CSMD3: variants seen among roughly 807,000 people sequenced by gnomAD.
CSMD3 encodes the protein CUB and Sushi multiple domains 3, also known as CUB and sushi domain-containing protein 3.
In CSMD3, 177 loss-of-function variants were observed where a neutral mutation model predicts 435.2. The ratio of observed to expected loss-of-function variants is 0.41; its 90% CI spans 0.36 to 0.46. The LOEUF (loss-of-function observed/expected upper bound fraction) is 0.46, where lower values mean the gene tolerates loss of function less well. Ranked by LOEUF, CSMD3 falls within the 20% of genes least tolerant of loss-of-function variation. The pLI is 0.34. For synonymous variants in CSMD3, 1,656 were observed against 1,520.5 expected (o/e 1.09, Z -2.07); for missense variants, 4,265 against 4,504.6 (o/e 0.95, Z 1.52).
At chr8:112,337,296 C>T (rs1158068383) in intron 43 of CSMD3, among the ~76,000 whole-genome samples, 2 of 152,082 alleles carry the variant, frequency 1.3e-5, no homozygotes, top group Non-Finnish European at 2.9e-5. Flanking sequence ...CCCTTCCCCA[C>T]ACACATAAGA....
intron 4 of CSMD3, among the ~76,000 whole-genome samples, chr8:113,165,014 G>A (rs182636152): frequency 6.6e-6 from 1 of 152,130 alleles, no homozygotes; most frequent in Non-Finnish European, 1.5e-5. Context: ...AAGAGCAAAA[G>A]AATACCAGAT....
intron 1 of CSMD3, among the ~76,000 whole-genome samples, chr8:113,366,078 AAAGGTGGGGGC>A (rs2094309557): frequency 6.6e-6 from 1 of 152,040 alleles, no homozygotes; most frequent in Non-Finnish European, 1.5e-5. Context: ...TTTCACCAAA[AAAGGTGGGGGC>A]AAGAATACTC....
At chr8:113,388,699 T>A (rs1330631220) in intron 1 of CSMD3, among the ~76,000 whole-genome samples, 1 of 151,616 alleles carries the variant, frequency 6.6e-6, no homozygotes, top group Admixed American at 6.6e-5. Flanking sequence ...AACATTTACA[T>A]TGTTACAGTT....
At chr8:113,352,556 C>T (rs1425618598) in intron 1 of CSMD3, among the ~76,000 whole-genome samples, 1 of 152,156 alleles carries the variant, frequency 6.6e-6, no homozygotes, top group Admixed American at 6.6e-5. Flanking sequence ...TTCTGCACAC[C>T]TGCTAAGGAC....
chr8:112,778,927 C>A (rs1040618285), intron 13 of CSMD3, among the ~76,000 whole-genome samples: 1 of 151,942 alleles, frequency 6.6e-6, no homozygotes, highest in Non-Finnish European at 1.5e-5. Flanking sequence ...TCCCTAATGA[C>A]ATATGATGTT....
chr8:113,295,321 T>C (rs2132550701), intron 2 of CSMD3, among the ~76,000 whole-genome samples: 1 of 152,276 alleles, frequency 6.6e-6, no homozygotes, highest in African/African-American at 2.4e-5. Flanking sequence ...AAGAGGTTTT[T>C]TTTCTGACTC....
At chr8:112,348,583 C>CA (rs895154829) in intron 40 of CSMD3, among the ~76,000 whole-genome samples, 95 of 149,704 alleles carry the variant, frequency 6.3e-4, no homozygotes, top group African/African-American at 1.8e-3. Flanking sequence ...TTATAAAATA[C>CA]AAAAAAAAAG....
At chr8:112,633,835 C>T (rs868191570) in intron 22 of CSMD3, among the ~76,000 whole-genome samples, 5 of 152,044 alleles carry the variant, frequency 3.3e-5, no homozygotes, top group Non-Finnish European at 5.9e-5. Flanking sequence ...ACACACAAAT[C>T]GCTTTAGTAA....
intron 21 of CSMD3, among the ~76,000 whole-genome samples, chr8:112,637,261 TA>T (rs529426349): frequency 1.7e-4 from 26 of 152,112 alleles, no homozygotes; most frequent in Non-Finnish European, 2.5e-4. Context: ...AATAATAAAT[TA>T]AAAAATAGCT....
At chr8:112,723,388 C>T (rs2076901586) in intron 13 of CSMD3, among the ~76,000 whole-genome samples, 1 of 152,008 alleles carries the variant, frequency 6.6e-6, no homozygotes, top group Non-Finnish European at 1.5e-5. Flanking sequence ...TATTTGAAAC[C>T]AGTTCTTGTG....
At chr8:112,734,193 A>AAT (rs910546931) in intron 13 of CSMD3, among the ~76,000 whole-genome samples, 15 of 151,754 alleles carry the variant, frequency 9.9e-5, no homozygotes, top group African/African-American at 3.4e-4. Flanking sequence ...TAAAGTTAAA[A>AAT]ATATATATAT....
rs1484145861 is a variant in CSMD3, at chr8:112,341,691, A to G, written c.6443-5T>C. 1 of 1,545,432 alleles carries G rather than the reference A, an allele frequency of 6.5e-7. No homozygotes were observed. Among genetic ancestry groups the G allele is most frequent in the Admixed American group, 1.7e-5 (1 of 59,740 alleles). The stretch of plus-strand genomic sequence containing the variant: ...TTACAAACTGGAGATGTACACCTGA[A>G]GAAGAAAACAAACAGAATGCTACTT... On this transcript the variant is annotated splice_region_variant and splice_polypyrimidine_tract_variant and intron_variant, in intron 41 of 70. Coordinates refer to ENST00000297405, the MANE Select transcript of CSMD3 (RefSeq NM_198123.2).
At chr8:113,265,264 A>G (rs564206161) in intron 3 of CSMD3, among the ~76,000 whole-genome samples, 98 of 151,670 alleles carry the variant, frequency 6.5e-4, no homozygotes, top group African/African-American at 2.3e-3. Flanking sequence ...ATGTGAGCCA[A>G]TAAGTGAAGT....
intron 10 of CSMD3, among the ~76,000 whole-genome samples, chr8:112,885,598 G>A (rs1051373675): frequency 1.3e-5 from 2 of 151,684 alleles, no homozygotes; most frequent in African/African-American, 4.8e-5. Flanking sequence ...TGAGGCCAGA[G>A]TCTAAGCTTT....
intron 38 of CSMD3, among the ~76,000 whole-genome samples, chr8:112,363,346 T>A (rs147280402): frequency 0.013 from 2,018 of 152,124 alleles, 33 homozygotes; most frequent in Middle Eastern, 0.044. Flanking sequence ...ATAAAAAGTA[T>A]ACTTTTCTTC....
chr8:112,586,956 G>A (rs918435717), intron 23 of CSMD3, 110 bp downstream of exon 23: 101 of 636,392 alleles, frequency 1.6e-4, no homozygotes, highest in Admixed American at 2.7e-4. Context: ...ATCAACTTAC[G>A]GTTAATACTA....
chr8:112,525,815 C>T (rs1418379378), intron 27 of CSMD3, among the ~76,000 whole-genome samples: 1 of 114,478 alleles, frequency 8.7e-6, no homozygotes. Flanking sequence ...TATATACACA[C>T]ACATATAAAA....
At chr8:113,399,384 GC>G (rs2094499340) in intron 1 of CSMD3, among the ~76,000 whole-genome samples, 4 of 151,538 alleles carry the variant, frequency 2.6e-5, no homozygotes, top group South Asian at 4.2e-4. Context: ...CTTCTTAACA[GC>G]ACTGTTATAA....
intron 1 of CSMD3, among the ~76,000 whole-genome samples, chr8:113,432,142 G>C (rs541732813): frequency 6.6e-6 from 1 of 152,136 alleles, no homozygotes; most frequent in African/African-American, 2.4e-5. Context: ...TGCAGCACCC[G>C]CCTCCTCCCC....
Sources: allele counts gnomAD v4.1 joint callset (sites outside exome capture counted in the v4.1 genomes callset), GRCh38; gene constraint gnomAD v4.1.1; transcripts MANE v1.5; gene names NCBI Gene and HGNC (gene_info 2026-07-23, HGNC 2026-07-21).